The following DNAH8 variants were observed in gnomAD, a reference collection of about 807,000 sequenced individuals.
DNAH8 encodes the protein axonemal beta dynein heavy chain 8.
A neutral mutation model predicts 562.1 loss-of-function variants in DNAH8; 382 were observed. That is an observed-to-expected ratio of 0.68 (90% CI 0.63 to 0.74). The LOEUF (loss-of-function observed/expected upper bound fraction) is 0.74. Among genes scored for constraint, DNAH8 ranks in the 30% least tolerant of loss-of-function variants. The pLI, the probability that DNAH8 is intolerant of heterozygous loss-of-function variation, is 0.00. For synonymous variants in DNAH8, 1,881 were observed against 1,919.4 expected (o/e 0.98, Z 0.52); for missense variants, 5,203 against 5,620.4 (o/e 0.93, Z 2.37).
chr6:38,865,970 G>A (rs1344160374), intron 45 of DNAH8, among the ~76,000 whole-genome samples: 1 of 152,190 alleles, frequency 6.6e-6, no homozygotes, highest in African/African-American at 2.4e-5. Flanking sequence ...TGAGACTTGG[G>A]TCTGACCTCT....
At position 38,982,420 on chromosome 6, in the gene DNAH8, TCA is replaced by T; in HGVS notation, c.12910_12911del (p.Gln4304ValfsTer7). 6.2e-7 allele frequency: 1 copy of T among 1,606,942 alleles called. No homozygotes were observed. ...ATTCTGCTGACTTTTCAGCCAGTGTTCAGTTTATTCAGAATCACCTTGATGAA... is the reference window on the plus strand; with the variant it reads ...ATTCTGCTGACTTTTCAGCCAGTGTTGTTTATTCAGAATCACCTTGATGAA... ...FNSADFSASV[Q>X]FIQNHLDECD... On this transcript the variant is annotated frameshift_variant, in exon 86 of 93. Transcript: ENST00000327475. LOFTEE classifies it high-confidence loss of function.
At chr6:39,013,684 C>T (rs1766377918) in intron 91 of DNAH8, among the ~76,000 whole-genome samples, 1 of 152,074 alleles carries the variant, frequency 6.6e-6, no homozygotes, top group Non-Finnish European at 1.5e-5. Flanking sequence ...AACCCTGTCT[C>T]TACAAAAAAT....
intron 5 of DNAH8, among the ~76,000 whole-genome samples, chr6:38,734,881 T>C (rs992084708): frequency 1.3e-5 from 2 of 152,346 alleles, no homozygotes; most frequent in Middle Eastern, 3.4e-3. Context: ...TTTAATTTTG[T>C]TGATGCAAAG....
intron 71 of DNAH8, 49 bp downstream of exon 71, chr6:38,921,555 A>G (rs775487542): frequency 6.4e-7 from 1 of 1,572,896 alleles, no homozygotes; most frequent in Non-Finnish European, 8.6e-7. Flanking sequence ...GAAACTTTAC[A>G]CAAGAGCATG....
intron 21 of DNAH8, among the ~76,000 whole-genome samples, chr6:38,795,985 G>C (rs1770218215): frequency 6.6e-6 from 1 of 152,208 alleles, no homozygotes; most frequent in Non-Finnish European, 1.5e-5. Context: ...TCTTCTGTTA[G>C]TTTCCAGTTG....
At chr6:38,960,932 C>T (rs1006553592) in intron 82 of DNAH8, among the ~76,000 whole-genome samples, 1 of 151,958 alleles carries the variant, frequency 6.6e-6, no homozygotes, top group African/African-American at 2.4e-5. Context: ...TAGAATCACC[C>T]TAAGTACCCA....
chr6:38,891,083 T>G (rs567864774), intron 58 of DNAH8, among the ~76,000 whole-genome samples: 1 of 152,332 alleles, frequency 6.6e-6, no homozygotes, highest in South Asian at 2.1e-4. Flanking sequence ...ATCTGTCTCC[T>G]TCTACCAAAC....
In DNAH8 at chr6:38,734,763, A is replaced by T. The variant is rs2395703; in HGVS notation, c.762+138A>T. 7.5e-3 allele frequency: 6,953 copies of T among 931,138 alleles called. 278 individuals carry two copies. In the African/African-American group the frequency reaches 0.093, roughly 12 times the overall value. The allele number at this position is 931,138 out of a possible 1,614,324, so 57.7% of individuals were successfully genotyped here. ...AAGAAAATAAATGTATTCATATATTAAAAAAAACTGAGAAATTGACTGTAA... is the reference window on the plus strand; with the variant it reads ...AAGAAAATAAATGTATTCATATATTTAAAAAAACTGAGAAATTGACTGTAA... On this transcript the variant is annotated intron_variant, in intron 5 of 92. Coordinates refer to ENST00000327475, the MANE Select transcript of DNAH8 (RefSeq NM_001206927.2).
chr6:38,885,072 C>T (rs1340735378), intron 56 of DNAH8, among the ~76,000 whole-genome samples: 2 of 152,164 alleles, frequency 1.3e-5, no homozygotes, highest in Admixed American at 6.5e-5. Context: ...GTATGGCCTG[C>T]GTCTGCTCCA....
intron 60 of DNAH8, among the ~76,000 whole-genome samples, 164 bp downstream of exon 60, chr6:38,896,389 C>T (rs1361353220): frequency 1.3e-5 from 2 of 151,918 alleles, no homozygotes; most frequent in African/African-American, 4.8e-5. Flanking sequence ...GCCTGAGCAA[C>T]ATAATGAGAC....
In DNAH8 at chr6:38,832,309, T is replaced by C; in HGVS notation, c.4189-13T>C. ...ACTTTCACTCTCAGGTTGAATATTCTTTTTTATTGTAGGTTTCAGTACAAG... is the reference window on the plus strand; with the variant it reads ...ACTTTCACTCTCAGGTTGAATATTCCTTTTTATTGTAGGTTTCAGTACAAG... On this transcript the variant is annotated splice_polypyrimidine_tract_variant and intron_variant, in intron 30 of 92. Coordinates refer to ENST00000327475, the MANE Select transcript of DNAH8 (RefSeq NM_001206927.2). 2.6e-6 allele frequency: 4 copies of C among 1,545,222 alleles called. No individual in the cohort carries two copies. Among genetic ancestry groups the C allele is most frequent in the Non-Finnish European group, 3.6e-6 (4 of 1,120,562 alleles).
intron 49 of DNAH8, among the ~76,000 whole-genome samples, chr6:38,871,604 C>G (rs1777470696): frequency 2.0e-5 from 3 of 152,114 alleles, no homozygotes; most frequent in Admixed American, 6.6e-5. Flanking sequence ...TCCCTCTGAT[C>G]AGCTGTCAGA....
At chr6:38,895,791 G>A (rs1459574216) in intron 59 of DNAH8, among the ~76,000 whole-genome samples, 4 of 152,144 alleles carry the variant, frequency 2.6e-5, no homozygotes, top group Non-Finnish European at 5.9e-5. Flanking sequence ...CTCTCCTATC[G>A]CAAGTTTTAG....
intron 48 of DNAH8, among the ~76,000 whole-genome samples, chr6:38,868,953 A>C (rs1777269703): frequency 6.6e-6 from 1 of 152,034 alleles, no homozygotes; most frequent in African/African-American, 2.4e-5. Context: ...GATTACAGGC[A>C]TAAGCCACCA....
chr6:38,900,832 C>T (rs1583306825), intron 62 of DNAH8, among the ~76,000 whole-genome samples: 1 of 152,044 alleles, frequency 6.6e-6, no homozygotes, highest in African/African-American at 2.4e-5. Context: ...GGCCAGGCTT[C>T]TCTTGAACTC....
At chr6:38,752,280 C>A (rs1765531662) in intron 9 of DNAH8, among the ~76,000 whole-genome samples, 1 of 151,142 alleles carries the variant, frequency 6.6e-6, no homozygotes, top group South Asian at 2.1e-4. Flanking sequence ...TCTCCTGATT[C>A]AGCCTCCTGA....
chr6:38,950,307 G>A (rs1761788814), intron 81 of DNAH8, among the ~76,000 whole-genome samples: 1 of 151,808 alleles, frequency 6.6e-6, no homozygotes, highest in Non-Finnish European at 1.5e-5. Flanking sequence ...TTATTTTGAA[G>A]CAATTTTTTC....
chr6:38,845,547 G>T, intron 35 of DNAH8, 27 bp from the exon 36 acceptor site: 1 of 1,579,774 alleles, frequency 6.3e-7, no homozygotes, highest in Non-Finnish European at 8.7e-7. Context: ...AAAACATCAT[G>T]ACATATACTT....
intron 49 of DNAH8, among the ~76,000 whole-genome samples, 193 bp downstream of exon 49, chr6:38,870,755 A>G (rs541283987): frequency 7.9e-5 from 12 of 152,326 alleles, no homozygotes; most frequent in African/African-American, 2.9e-4. Context: ...ACCCTGCCTC[A>G]CAGTAATCAA....
Sources: gnomAD v4.1 joint callset for allele counts (sites outside exome capture counted in the v4.1 genomes callset) on GRCh38, gnomAD v4.1.1 for gene constraint, MANE v1.5 for transcripts, NCBI Gene and HGNC (gene_info 2026-07-23, HGNC 2026-07-21) for gene names.